Variants in ACTL8 observed in about 807,000 individuals in gnomAD.
ACTL8 encodes the protein actin like 8.
Under a neutral mutation model 9.3 loss-of-function variants are expected in ACTL8, and 3 were observed. That is an observed-to-expected ratio of 0.32 (90% CI 0.15 to 0.83). The LOEUF is 0.83. Ranked by LOEUF, ACTL8 falls within the 40% of genes least tolerant of loss-of-function variation. The probability of loss-of-function intolerance (pLI) is 0.57; values close to 1 mark genes in which losing one functional copy is unlikely to be tolerated. For missense variants in ACTL8, 381 were observed against 492.2 expected (o/e 0.77, Z 2.14); for synonymous variants, 224 against 205.9 (o/e 1.09, Z -0.75).
chr1:17,769,091 C>T (rs2066065549), intron 1 of ACTL8, among the ~76,000 whole-genome samples: 1 of 152,116 alleles, frequency 6.6e-6, no homozygotes, highest in African/African-American at 2.4e-5. Context: ...CAAAGAAGGT[C>T]CTGCTTCTTG....
chr1:17,783,633 C>CTCGTGAAGTTA (rs1443906620), intron 1 of ACTL8, among the ~76,000 whole-genome samples: 3 of 152,194 alleles, frequency 2.0e-5, no homozygotes, highest in Non-Finnish European at 4.4e-5. Context: ...GAGTTTATTT[C>CTCGTGAAGTTA]TCGTGATGTT....
rs1393002416 is a variant in ACTL8 at position 17,826,802 on chromosome 1, A to G, written c.*283A>G. 1.1e-5 allele frequency: 3 copies of G among 275,544 alleles called. No homozygotes were observed. The highest frequency in any genetic ancestry group is 2.0e-5 in the Non-Finnish European group (3 of 147,092). The allele number at this position is 275,544 out of a possible 1,614,324, so 17.1% of individuals were successfully genotyped here. A position where few individuals can be genotyped will look rare whatever the true frequency, so the allele number is the denominator to read the frequency against. On this transcript the variant is annotated 3_prime_UTR_variant, in exon 3 of 3. Transcript: ENST00000375406. The surrounding 1 kb of genome is among the most constrained non-coding windows in gnomAD (Gnocchi z 4.5). ...GTATGAGTGGCTGACTGCCATCTCCATGCCTGAGAGCCACTGATTTTTCAT... is the reference window on the plus strand; with the variant it reads ...GTATGAGTGGCTGACTGCCATCTCCGTGCCTGAGAGCCACTGATTTTTCAT...
chr1:17,771,835 C>T (rs2066084943), intron 1 of ACTL8, among the ~76,000 whole-genome samples: 1 of 152,120 alleles, frequency 6.6e-6, no homozygotes, highest in African/African-American at 2.4e-5. Flanking sequence ...GCTGGGGTCA[C>T]CACCGTTTCT....
chr1:17,801,663 A>G (rs1356631525), intron 1 of ACTL8, among the ~76,000 whole-genome samples: 1 of 152,236 alleles, frequency 6.6e-6, no homozygotes, highest in African/African-American at 2.4e-5. Context: ...AAAGCATACA[A>G]AATTAAACTT....
intron 1 of ACTL8, among the ~76,000 whole-genome samples, chr1:17,805,218 C>T (rs1380243161): frequency 1.3e-5 from 2 of 152,080 alleles, no homozygotes; most frequent in African/African-American, 2.4e-5. Context: ...TGTGTGCTTC[C>T]TGCCCTCACT....
chr1:17,756,287 G>T (rs1032953417), intron 1 of ACTL8, among the ~76,000 whole-genome samples: 2 of 151,930 alleles, frequency 1.3e-5, no homozygotes, highest in Non-Finnish European at 2.9e-5. Flanking sequence ...TTATCTTTGG[G>T]GAACCTATGA....
intron 1 of ACTL8, among the ~76,000 whole-genome samples, chr1:17,783,340 TTTTTTTGTTTTG>T (rs1236077284): frequency 7.6e-6 from 1 of 131,406 alleles, no homozygotes; most frequent in African/African-American, 3.2e-5. Context: ...GAGGAGTTTT[TTTTTTTGTTTTG>T]TTTTTTTTTT....
chr1:17,817,781 C>T (rs2124189690), intron 1 of ACTL8, among the ~76,000 whole-genome samples: 1 of 151,890 alleles, frequency 6.6e-6, no homozygotes, highest in South Asian at 2.1e-4. Flanking sequence ...GCTCACTGCA[C>T]CCTCCATCTC....
chr1:17,811,115 C>G (rs503393), intron 1 of ACTL8, among the ~76,000 whole-genome samples: 54,205 of 152,084 alleles, frequency 0.36, 10,821 homozygotes, highest in East Asian at 0.44. Flanking sequence ...TATGAGAGTT[C>G]CAATTTCTCC....
intron 1 of ACTL8, among the ~76,000 whole-genome samples, chr1:17,768,368 G>GGGGA (rs1553120022): frequency 6.6e-6 from 1 of 152,188 alleles, no homozygotes; most frequent in South Asian, 2.1e-4. Context: ...CAGGGCTCAT[G>GGGGA]TTCAACAGTC....
At chr1:17,803,946 C>T (rs1000218151) in intron 1 of ACTL8, among the ~76,000 whole-genome samples, 9 of 152,088 alleles carry the variant, frequency 5.9e-5, no homozygotes, top group East Asian at 1.9e-4. Context: ...ATTGGATATA[C>T]GCTTACTTCC....
chr1:17,781,421 T>TAG (rs1488486825), intron 1 of ACTL8, among the ~76,000 whole-genome samples: 1 of 152,034 alleles, frequency 6.6e-6, no homozygotes, highest in Non-Finnish European at 1.5e-5. Flanking sequence ...GTATTTTTAG[T>TAG]AGAGACGTGG....
At chr1:17,812,454 G>A (rs948729206) in intron 1 of ACTL8, among the ~76,000 whole-genome samples, 2 of 140,526 alleles carry the variant, frequency 1.4e-5, no homozygotes, top group Non-Finnish European at 3.0e-5. Context: ...TTTTGAGACG[G>A]AGTCTCACTC....
intron 1 of ACTL8, among the ~76,000 whole-genome samples, chr1:17,820,645 G>A (rs956661907): frequency 1.3e-5 from 2 of 150,426 alleles, no homozygotes; most frequent in East Asian, 2.0e-4. Context: ...TTGGCTCACC[G>A]CAACCTCCAC....
At chr1:17,815,671 G>A (rs1478135864) in intron 1 of ACTL8, among the ~76,000 whole-genome samples, 1 of 152,170 alleles carries the variant, frequency 6.6e-6, no homozygotes, top group Non-Finnish European at 1.5e-5. Context: ...TCTATGGGGT[G>A]TGCTGAGCTT....
intron 1 of ACTL8, among the ~76,000 whole-genome samples, chr1:17,762,656 G>T (rs1251872176): frequency 6.6e-6 from 1 of 152,150 alleles, no homozygotes; most frequent in African/African-American, 2.4e-5. Flanking sequence ...CAGGGGGTTG[G>T]GCTGCAGGTG....
intron 1 of ACTL8, among the ~76,000 whole-genome samples, chr1:17,768,802 T>G (rs1227110841): frequency 6.6e-6 from 1 of 152,070 alleles, no homozygotes; most frequent in African/African-American, 2.4e-5. Context: ...GACTCACTGC[T>G]AGGGAGTGGG....
At chr1:17,809,728 C>T (rs1217235966) in intron 1 of ACTL8, among the ~76,000 whole-genome samples, 3 of 152,000 alleles carry the variant, frequency 2.0e-5, no homozygotes, top group Non-Finnish European at 4.4e-5. Context: ...CCATCACTCC[C>T]AGATGGGACC....
chr1:17,773,622 A>G (rs1041769489), intron 1 of ACTL8, among the ~76,000 whole-genome samples: 14 of 152,256 alleles, frequency 9.2e-5, no homozygotes, highest in South Asian at 4.1e-4. Context: ...CTGGGGAGCA[A>G]TTTAGCCTGA....
Sources: allele counts gnomAD v4.1 joint callset (sites outside exome capture counted in the v4.1 genomes callset), GRCh38; gene constraint gnomAD v4.1.1; non-coding constraint Gnocchi (gnomAD v3.1); transcripts MANE v1.5; gene names NCBI Gene and HGNC (gene_info 2026-07-23, HGNC 2026-07-21).